OSBPL9: variants seen among roughly 807,000 people sequenced by gnomAD.
OSBPL9 encodes oxysterol binding protein like 9, also known as oxysterol-binding protein-related protein 9.
A neutral mutation model predicts 106.6 loss-of-function variants in OSBPL9; 40 were observed. The ratio of observed to expected loss-of-function variants is 0.38; its 90% CI spans 0.29 to 0.49. The LOEUF is 0.49. Ranked by LOEUF, OSBPL9 falls within the 20% of genes least tolerant of loss-of-function variation. The pLI, the probability that OSBPL9 is intolerant of heterozygous loss-of-function variation, is 0.97. For missense variants in OSBPL9, 609 were observed against 887.2 expected (o/e 0.69, Z 3.98); for synonymous variants, 269 against 295.4 (o/e 0.91, Z 0.92).
chr1:51,572,790 G>A (rs1469017811), upstream of OSBPL9, among the ~76,000 whole-genome samples: 1 of 152,196 alleles, frequency 6.6e-6, no homozygotes. Context: ...TTGAACTCCT[G>A]TTATTCAATG....
At chr1:51,672,674 C>T (rs1324812569) in intron 3 of OSBPL9, among the ~76,000 whole-genome samples, 2 of 152,046 alleles carry the variant, frequency 1.3e-5, no homozygotes, top group African/African-American at 4.8e-5. Flanking sequence ...TTAATAGTTC[C>T]TTTTATATTG....
In OSBPL9 at chr1:51,658,153, C is replaced by G. The variant is rs1464408666; in HGVS notation, c.162+6112C>G. On this transcript the variant is annotated intron_variant, in intron 2 of 23. Coordinates refer to ENST00000428468, the MANE Select transcript of OSBPL9 (RefSeq NM_024586.6). ...TAGGGTGTAGTGGCAAAAACAAATA[C>G]AGGGCATGTATGTAATGAAATTCAG... is the stretch of plus-strand genomic sequence containing the variant. 1.3e-5 allele frequency among the ~76,000 whole-genome samples: 2 copies of G among 150,678 alleles called. 1 individual carries two copies. The highest frequency in any genetic ancestry group is 4.9e-5 in the African/African-American group (2 of 41,018).
Position 51,788,766 on chromosome 1 carries a change from A to AAT in OSBPL9, c.*979_*980dup, listed in dbSNP as rs377715679. Among the ~76,000 whole-genome samples the AAT allele has an allele frequency of 0.02, 3,057 of 152,130 alleles. 59 individuals carry two copies. Among genetic ancestry groups the AAT allele is most frequent in the Middle Eastern group, 0.092 (27 of 294 alleles). On this transcript the variant is annotated 3_prime_UTR_variant, in exon 24 of 24. Transcript: ENST00000428468. ...AGATCCCCACCCCACAGTGAACAAAAATAGATAGATAGATAGAATAAAATG... is the reference window on the plus strand; with the variant it reads ...AGATCCCCACCCCACAGTGAACAAAAATATAGATAGATAGATAGAATAAAATG...
intron 5 of OSBPL9, 56 bp downstream of exon 5, chr1:51,745,687 G>C: frequency 7.1e-7 from 1 of 1,415,176 alleles, no homozygotes; most frequent in Non-Finnish European, 9.2e-7. Flanking sequence ...TACTGAGCTT[G>C]ATTTTTGAGT....
Position 51,787,421 on chromosome 1 carries a change from G to C in OSBPL9, c.2069G>C (p.Arg690Thr). ...DIDAATEAKHRLEERQRAEAR... is the reference protein window; with the variant it reads ...DIDAATEAKHTLEERQRAEAR... ...GATGCAGCAACTGAAGCAAAGCACA[G>C]GCTTGAAGAAAGACAAAGAGCAGAA... Residue 690 changes from arginine to threonine, a missense_variant, in exon 23 of 24, where the codon AGG (arginine) becomes ACG (threonine). Coordinates refer to ENST00000428468, the MANE Select transcript of OSBPL9 (RefSeq NM_024586.6). 1 of 1,614,066 alleles carries C rather than the reference G, an allele frequency of 6.2e-7. No individual in the cohort carries two copies. Among genetic ancestry groups the C allele is most frequent in the Non-Finnish European group, 8.5e-7 (1 of 1,179,954 alleles).
chr1:51,541,615 C>A, the OSBPL9 span, among the ~76,000 whole-genome samples: 4 of 152,184 alleles, frequency 2.6e-5, no homozygotes, highest in Admixed American at 2.6e-4. Context: ...CAGTCTTAGT[C>A]CAGAAGCTGT....
chr1:51,524,967 C>T, the OSBPL9 span, among the ~76,000 whole-genome samples: 1 of 152,194 alleles, frequency 6.6e-6, no homozygotes, highest in Admixed American at 6.5e-5. Context: ...GAGACATCAT[C>T]AAATTAAGAA....
At chr1:51,534,991 C>T in the OSBPL9 span, among the ~76,000 whole-genome samples, 12 of 152,248 alleles carry the variant, frequency 7.9e-5, no homozygotes, top group African/African-American at 2.9e-4. Context: ...GAGACCCTCT[C>T]ACCCTCTTAC....
chr1:51,760,850 C>A, intron 10 of OSBPL9, 70 bp downstream of exon 10: 1 of 1,502,926 alleles, frequency 6.7e-7, no homozygotes, highest in South Asian at 1.2e-5. Flanking sequence ...TCATAGCAGT[C>A]TTAGCTATTA....
At chr1:51,721,033 A>C (rs1662024234) in intron 4 of OSBPL9, among the ~76,000 whole-genome samples, 1 of 151,676 alleles carries the variant, frequency 6.6e-6, no homozygotes, top group Admixed American at 6.6e-5. Flanking sequence ...TCCTGGCCTC[A>C]AGTGATCCAC....
At chr1:51,760,547 T>G in intron 9 of OSBPL9, 143 bp from the exon 10 acceptor site, 1 of 1,137,734 alleles carries the variant, frequency 8.8e-7, no homozygotes, top group Non-Finnish European at 1.2e-6. Flanking sequence ...ATAGAAAAGG[T>G]GTTTCATTCC....
chr1:51,653,040 G>A (rs1304449040), intron 2 of OSBPL9, among the ~76,000 whole-genome samples: 1 of 152,066 alleles, frequency 6.6e-6, no homozygotes, highest in African/African-American at 2.4e-5. Context: ...GGGAAATACC[G>A]CTGAGAAAGA....
the OSBPL9 span, among the ~76,000 whole-genome samples, chr1:51,546,043 G>T: frequency 6.6e-6 from 1 of 152,020 alleles, no homozygotes; most frequent in Non-Finnish European, 1.5e-5. Flanking sequence ...TTGAGACAGG[G>T]TCTCACTTTG....
rs1263212884 is a variant in OSBPL9, at chr1:51,766,099, T to TA, written c.938+122dup. 3 of 1,033,458 alleles carry TA rather than the reference T, an allele frequency of 2.9e-6. No homozygotes were observed. In the Admixed American group the frequency reaches 1.1e-4, roughly 36 times the overall value. 64.0% of individuals were successfully genotyped at this position (1,033,458 alleles called of 1,614,324 possible). A position where few individuals can be genotyped will look rare whatever the true frequency, so the allele number is the denominator to read the frequency against. The stretch of plus-strand genomic sequence containing the variant: ...CTCATCAGTTATTATTTGGGAAAAT[T>TA]AAAAGGGCAACCTTTTTAATAGAAG... On this transcript the variant is annotated intron_variant, in intron 12 of 23. Coordinates refer to ENST00000428468, the MANE Select transcript of OSBPL9 (RefSeq NM_024586.6).
chr1:51,649,909 C>G (rs1448096628), intron 1 of OSBPL9, among the ~76,000 whole-genome samples: 3 of 151,886 alleles, frequency 2.0e-5, no homozygotes, highest in Non-Finnish European at 2.9e-5. Flanking sequence ...GGGTTTTGCT[C>G]TGTCACCCAG....
intron 4 of OSBPL9, among the ~76,000 whole-genome samples, chr1:51,725,632 T>G (rs1191916587): frequency 1.3e-5 from 2 of 152,194 alleles, no homozygotes; most frequent in Non-Finnish European, 2.9e-5. Flanking sequence ...CACATGTGCT[T>G]CTCAAGTCCA....
At chr1:51,526,190 T>G in the OSBPL9 span, among the ~76,000 whole-genome samples, 2 of 152,220 alleles carry the variant, frequency 1.3e-5, no homozygotes, top group Non-Finnish European at 2.9e-5. Context: ...ATGTTCTTTT[T>G]AAAACATAAA....
chr1:51,643,689 C>A (rs988500247), intron 1 of OSBPL9, among the ~76,000 whole-genome samples: 1 of 151,900 alleles, frequency 6.6e-6, no homozygotes, highest in Admixed American at 6.6e-5. Context: ...GTTTTTTAAT[C>A]GAAGAAGTAA....
chr1:51,559,782 C>T, the OSBPL9 span, among the ~76,000 whole-genome samples: 1 of 151,940 alleles, frequency 6.6e-6, no homozygotes, highest in Non-Finnish European at 1.5e-5. Context: ...ATGAAATAAT[C>T]AGATTAGGCA....
Sources: allele counts gnomAD v4.1 joint callset (sites outside exome capture counted in the v4.1 genomes callset), GRCh38; gene constraint gnomAD v4.1.1; transcripts MANE v1.5; gene names NCBI Gene and HGNC (gene_info 2026-07-23, HGNC 2026-07-21).